The following LAMA2 variants were observed in gnomAD, a reference collection of about 807,000 sequenced individuals.
The protein encoded by LAMA2 is laminin subunit alpha-2.
Under a neutral mutation model 364.8 loss-of-function variants are expected in LAMA2, and 269 were observed. The observed-to-expected ratio is 0.74, with a 90% CI of 0.67 to 0.82. The LOEUF is 0.82. LAMA2 is among the 40% of genes least tolerant of loss of function. The pLI is 0.00. For missense variants in LAMA2, 3,807 were observed against 3,873.2 expected, an observed-to-expected ratio of 0.98 and a Z score of 0.45; for synonymous variants, 1,379 against 1,370.6, an observed-to-expected ratio of 1.01 and a Z score of -0.14.
chr6:129,161,861 C>T (rs1779458377), intron 8 of LAMA2, among the ~76,000 whole-genome samples: 1 of 152,100 alleles, frequency 6.6e-6, no homozygotes, highest in South Asian at 2.1e-4. Context: ...TGTAGTATTC[C>T]ATGGTGTATA....
At chr6:128,932,058 A>G (rs1779519221) in intron 1 of LAMA2, among the ~76,000 whole-genome samples, 1 of 152,186 alleles carries the variant, frequency 6.6e-6, no homozygotes, top group South Asian at 2.1e-4. Flanking sequence ...AAAACCTCTC[A>G]CAACTTTTTA....
intron 23 of LAMA2, among the ~76,000 whole-genome samples, chr6:129,313,391 G>A (rs554548959): frequency 1.3e-5 from 2 of 152,108 alleles, no homozygotes; most frequent in Non-Finnish European, 2.9e-5. Flanking sequence ...GATTTGCTTC[G>A]ATAAGGACAA....
intron 58 of LAMA2, among the ~76,000 whole-genome samples, chr6:129,494,165 G>A (rs1785030037): frequency 6.6e-6 from 1 of 152,178 alleles, no homozygotes; most frequent in Non-Finnish European, 1.5e-5. Flanking sequence ...CTCATGTGTT[G>A]TGGTTATATT....
intron 1 of LAMA2, among the ~76,000 whole-genome samples, chr6:129,038,218 G>C (rs1244917572): frequency 6.6e-6 from 1 of 152,148 alleles, no homozygotes; most frequent in Non-Finnish European, 1.5e-5. Context: ...GCTGTGAGTA[G>C]TGTCACTACC....
chr6:129,377,479 T>C (rs1428556507), intron 34 of LAMA2, among the ~76,000 whole-genome samples: 2 of 152,198 alleles, frequency 1.3e-5, no homozygotes, highest in Non-Finnish European at 2.9e-5. Context: ...AAATTCCACA[T>C]GGAACTGGCT....
chr6:129,273,555 G>A (rs1165372475), intron 17 of LAMA2, among the ~76,000 whole-genome samples: 1 of 152,078 alleles, frequency 6.6e-6, no homozygotes. Context: ...GAAACATTAG[G>A]GAGATAATTT....
intron 63 of LAMA2, 96 bp downstream of exon 63, chr6:129,512,589 C>T (rs942223874): frequency 1.3e-5 from 18 of 1,345,926 alleles, no homozygotes; most frequent in Non-Finnish European, 1.5e-5. Flanking sequence ...TTTTGAAGCC[C>T]GGCTGTATTC....
chr6:128,983,240 G>A (rs941417498), intron 1 of LAMA2, among the ~76,000 whole-genome samples: 4 of 152,002 alleles, frequency 2.6e-5, no homozygotes, highest in South Asian at 2.1e-4. Flanking sequence ...CAGTGTAAAA[G>A]TGTTCCTATT....
intron 32 of LAMA2, among the ~76,000 whole-genome samples, chr6:129,362,772 G>A (rs557007498): frequency 6.6e-6 from 1 of 152,218 alleles, no homozygotes; most frequent in South Asian, 2.1e-4. Context: ...GGGTGGTGGG[G>A]AGTTTCAGGT....
At chr6:128,933,330 A>G (rs996387110) in intron 1 of LAMA2, among the ~76,000 whole-genome samples, 11 of 151,806 alleles carry the variant, frequency 7.2e-5, no homozygotes, top group Non-Finnish European at 1.5e-4. Flanking sequence ...ATGGATACTT[A>G]GGCCATTTAT....
chr6:129,427,683 G>A, intron 40 of LAMA2, 69 bp from the exon 41 acceptor site: 2 of 1,102,160 alleles, frequency 1.8e-6, no homozygotes, highest in Middle Eastern at 2.0e-4. Context: ...TGTACCAACT[G>A]CCTTCTGGAT....
intron 1 of LAMA2, among the ~76,000 whole-genome samples, chr6:128,966,721 AT>A (rs1023561053): frequency 1.8e-4 from 28 of 152,276 alleles, no homozygotes; most frequent in African/African-American, 6.7e-4. Context: ...AACTGAAGTA[AT>A]TAGAAAAAGC....
intron 1 of LAMA2, among the ~76,000 whole-genome samples, chr6:128,903,890 C>T (rs989860162): frequency 6.6e-6 from 1 of 152,078 alleles, no homozygotes; most frequent in African/African-American, 2.4e-5. Context: ...TTTTAAGAGG[C>T]CTGCTGCTGG....
At chr6:129,504,345 T>A (rs1785887746) in intron 60 of LAMA2, among the ~76,000 whole-genome samples, 1 of 152,228 alleles carries the variant, frequency 6.6e-6, no homozygotes, top group African/African-American at 2.4e-5. Flanking sequence ...ACAATGAGGC[T>A]GGGATTAAGA....
chr6:129,403,806 G>T lies in LAMA2; in HGVS notation c.5727-15G>T. 1 of 1,611,694 alleles carries T rather than the reference G, an allele frequency of 6.2e-7. No homozygotes were observed. Among genetic ancestry groups the T allele is most frequent in the Non-Finnish European group, 8.5e-7 (1 of 1,178,514 alleles). Reference sequence around the variant, plus strand: ...TTGAGTGCCCTGACATTCCTTTTTTGAATCATCCCACCAGAATCCTTGATG... The same window carrying T: ...TTGAGTGCCCTGACATTCCTTTTTTTAATCATCCCACCAGAATCCTTGATG... On this transcript the variant is annotated splice_polypyrimidine_tract_variant and intron_variant, in intron 39 of 64. Transcript: ENST00000421865.
intron 15 of LAMA2, among the ~76,000 whole-genome samples, chr6:129,266,506 T>C (rs1367356501): frequency 6.6e-6 from 1 of 152,088 alleles, no homozygotes; most frequent in Non-Finnish European, 1.5e-5. Flanking sequence ...TGAGAAAGCA[T>C]AATAGGATGG....
At chr6:129,093,031 G>A (rs988870937) in intron 3 of LAMA2, among the ~76,000 whole-genome samples, 2 of 152,088 alleles carry the variant, frequency 1.3e-5, no homozygotes, top group Admixed American at 6.6e-5. Context: ...ATGGGTTCCC[G>A]AGTGCAGTGG....
chr6:129,115,706 T>C (rs1265339288), intron 4 of LAMA2, among the ~76,000 whole-genome samples: 2 of 152,064 alleles, frequency 1.3e-5, no homozygotes, highest in Non-Finnish European at 2.9e-5. Flanking sequence ...TGCAAGGGCC[T>C]TTGAAATCAG....
At chr6:128,909,143 C>T (rs1381725249) in intron 1 of LAMA2, among the ~76,000 whole-genome samples, 2 of 151,696 alleles carry the variant, frequency 1.3e-5, no homozygotes, top group African/African-American at 2.4e-5. Flanking sequence ...CTGTAGATGT[C>T]TATCAGGTCC....
Sources: allele counts gnomAD v4.1 joint callset (sites outside exome capture counted in the v4.1 genomes callset), GRCh38; gene constraint gnomAD v4.1.1; transcripts MANE v1.5; gene names NCBI Gene and HGNC (gene_info 2026-07-23, HGNC 2026-07-21).